The following HTR4 variants were observed in gnomAD, a reference collection of about 807,000 sequenced individuals.
HTR4 encodes the protein 5-hydroxytryptamine (serotonin) receptor 4, G protein-coupled.
HTR4 carries 16 observed loss-of-function variants against 36.8 expected under a neutral mutation model. The ratio of observed to expected loss-of-function variants is 0.43; its 90% CI spans 0.29 to 0.66. The LOEUF is 0.66. Ranked by LOEUF, HTR4 falls within the 30% of genes least tolerant of loss-of-function variation. The pLI, the probability that HTR4 is intolerant of heterozygous loss-of-function variation, is 0.13. For missense variants in HTR4, 438 were observed against 490.9 expected, an observed-to-expected ratio of 0.89 and a Z score of 1.02; for synonymous variants, 189 against 185.1, an observed-to-expected ratio of 1.02 and a Z score of -0.17.
chr5:148,592,308 A>C (rs1761604002), intron 2 of HTR4, among the ~76,000 whole-genome samples: 1 of 152,142 alleles, frequency 6.6e-6, no homozygotes, highest in South Asian at 2.1e-4. Context: ...TAGGTGATGA[A>C]ATAATCTGTA....
chr5:148,582,585 G>T (rs1761180274), intron 2 of HTR4, among the ~76,000 whole-genome samples: 1 of 151,972 alleles, frequency 6.6e-6, no homozygotes, highest in Non-Finnish European at 1.5e-5. Flanking sequence ...ATTTGCTTTG[G>T]ATTATGGCCT....
intron 1 of HTR4, chr5:148,644,778 C>T (rs1462790185): frequency 6.6e-6 from 1 of 152,114 alleles, no homozygotes; most frequent in African/African-American, 2.4e-5. Context: ...CAGGCACCCC[C>T]AATTTATTGT....
At chr5:148,452,266 T>A (rs1754991694) in intron 5 of HTR4, among the ~76,000 whole-genome samples, 2 of 152,174 alleles carry the variant, frequency 1.3e-5, no homozygotes, top group Admixed American at 6.5e-5. Flanking sequence ...TAACGCATAG[T>A]CAAGTTTAGT....
At chr5:148,592,428 G>A (rs1448939612) in intron 2 of HTR4, among the ~76,000 whole-genome samples, 1 of 151,918 alleles carries the variant, frequency 6.6e-6, no homozygotes, top group Admixed American at 6.6e-5. Context: ...GAGAATAGAT[G>A]CCTAAACTAA....
chr5:148,485,695 G>T (rs1255477217), intron 6 of HTR4, among the ~76,000 whole-genome samples: 1 of 152,134 alleles, frequency 6.6e-6, no homozygotes, highest in Admixed American at 6.5e-5. Flanking sequence ...TAGGTGTAAA[G>T]GGGGAAAAAA....
chr5:148,567,096 G>A (rs1376404865), intron 2 of HTR4, among the ~76,000 whole-genome samples: 2 of 152,058 alleles, frequency 1.3e-5, no homozygotes, highest in Non-Finnish European at 2.9e-5. Flanking sequence ...ATTTTAAGAA[G>A]TTTTTAATTG....
chr5:148,639,629 A>ATG (rs1302424842), intron 1 of HTR4, among the ~76,000 whole-genome samples: 1 of 145,600 alleles, frequency 6.9e-6, no homozygotes, highest in Admixed American at 6.9e-5. Flanking sequence ...ATATATATAT[A>ATG]TATATATATA....
chr5:148,610,903 G>C (rs1034098809), intron 2 of HTR4, among the ~76,000 whole-genome samples: 1 of 149,074 alleles, frequency 6.7e-6, no homozygotes, highest in Non-Finnish European at 1.5e-5. Context: ...GAGCCGATGC[G>C]ATCAACTGGA....
intron 2 of HTR4, among the ~76,000 whole-genome samples, chr5:148,576,765 A>G (rs954506943): frequency 6.6e-6 from 1 of 152,194 alleles, no homozygotes; most frequent in Non-Finnish European, 1.5e-5. Context: ...CTAGCTAGCC[A>G]TATGCAGAAG....
intron 5 of HTR4, among the ~76,000 whole-genome samples, chr5:148,460,304 T>C (rs1755241406): frequency 6.6e-6 from 1 of 152,066 alleles, no homozygotes; most frequent in Non-Finnish European, 1.5e-5. Context: ...GCTCAGAGAA[T>C]ACCAAGCAGG....
At chr5:148,513,734 CTT>C (rs1359732731) in intron 5 of HTR4, among the ~76,000 whole-genome samples, 9 of 152,028 alleles carry the variant, frequency 5.9e-5, no homozygotes, top group African/African-American at 2.2e-4. Context: ...AATGTTAAGT[CTT>C]TGAATTAATT....
At chr5:148,629,896 CT>C (rs1455866665) in intron 2 of HTR4, 1 of 152,128 alleles carries the variant, frequency 6.6e-6, no homozygotes, top group Non-Finnish European at 1.5e-5. Context: ...ATTTTTCAGA[CT>C]TTCTTGCCCA....
intron 2 of HTR4, among the ~76,000 whole-genome samples, chr5:148,574,691 C>T (rs1760819973): frequency 6.6e-6 from 1 of 152,064 alleles, no homozygotes; most frequent in Admixed American, 6.6e-5. Flanking sequence ...CTCATCACAC[C>T]ACCACTACTT....
chr5:148,579,766 C>T (rs1344651234), intron 2 of HTR4, among the ~76,000 whole-genome samples: 1 of 152,062 alleles, frequency 6.6e-6, no homozygotes, highest in Non-Finnish European at 1.5e-5. Context: ...CAGCAGCCCA[C>T]ATTCCTTGAC....
At chr5:148,547,922 G>A (rs1227118223) in intron 4 of HTR4, among the ~76,000 whole-genome samples, 1 of 152,082 alleles carries the variant, frequency 6.6e-6, no homozygotes, top group Non-Finnish European at 1.5e-5. Context: ...ATTGATAACA[G>A]CATGTTTGTG....
At chr5:148,492,018 C>T (rs1756474532) in intron 6 of HTR4, among the ~76,000 whole-genome samples, 1 of 152,178 alleles carries the variant, frequency 6.6e-6, no homozygotes, top group Admixed American at 6.5e-5. Context: ...GGTTGAAGGC[C>T]AGGGCACCAC....
At chr5:148,454,657 C>G (rs1052186113) in intron 5 of HTR4, among the ~76,000 whole-genome samples, 1 of 152,158 alleles carries the variant, frequency 6.6e-6, no homozygotes, top group Non-Finnish European at 1.5e-5. Flanking sequence ...GGCAAATATG[C>G]GTACTAAAGC....
chr5:148,539,207 C>T (rs946205325), intron 4 of HTR4, among the ~76,000 whole-genome samples: 5 of 152,118 alleles, frequency 3.3e-5, no homozygotes, highest in Non-Finnish European at 7.4e-5. Flanking sequence ...TTTCTTACAC[C>T]ATATACAAAA....
intron 2 of HTR4, chr5:148,628,833 G>A (rs577519342): frequency 5.6e-4 from 85 of 152,232 alleles, no homozygotes; most frequent in African/African-American, 1.9e-3. Context: ...CTTCAATCAC[G>A]TTTCTTGAAT....
Sources: allele counts gnomAD v4.1 joint callset (sites outside exome capture counted in the v4.1 genomes callset), GRCh38; gene constraint gnomAD v4.1.1; transcripts MANE v1.5; gene names NCBI Gene and HGNC (gene_info 2026-07-23, HGNC 2026-07-21).